ANOS1: variants seen among roughly 807,000 people sequenced by gnomAD.
ANOS1 encodes anosmin-1.
ANOS1 carries 6 observed loss-of-function variants against 59.0 expected under a neutral mutation model. The observed-to-expected ratio is 0.10, with a 90% CI of 0.06 to 0.20. ANOS1 has a LOEUF of 0.20. Among genes scored for constraint, ANOS1 ranks in the 10% least tolerant of loss-of-function variants. The probability of loss-of-function intolerance (pLI) is 1.00; values close to 1 mark genes in which losing one functional copy is unlikely to be tolerated. For synonymous variants in ANOS1, 217 were observed against 223.4 expected (o/e 0.97, Z 0.25); for missense variants, 433 against 542.3 (o/e 0.80, Z 2.00).
Position 8,536,952 on chromosome X carries a change from G to A in ANOS1, c.1450-10C>T. The A allele has an allele frequency of 8.5e-7, 1 of 1,182,719 alleles. No individual in the cohort carries two copies. The highest frequency in any genetic ancestry group is 1.1e-6 in the Non-Finnish European group (1 of 869,704). On this transcript the variant is annotated splice_polypyrimidine_tract_variant and intron_variant, in intron 10 of 13. Transcript: ENST00000262648. ...GAATTATGTAATTTTCCTAGAGCAA[G>A]AGAAAGAGAATTATGCTAGCAATAA...
At chrX:8,686,017 G>A (rs1380553935) in intron 2 of ANOS1, among the ~76,000 whole-genome samples, 2 of 111,606 alleles carry the variant, frequency 1.8e-5, no homozygotes, top group African/African-American at 6.5e-5. Flanking sequence ...AGTTTCTACC[G>A]CACTCCCTGT....
At chrX:8,612,716 C>G (rs188528538) in intron 3 of ANOS1, among the ~76,000 whole-genome samples, 4 of 109,266 alleles carry the variant, frequency 3.7e-5, no homozygotes, top group Non-Finnish European at 7.6e-5. Context: ...GTGAATTAGG[C>G]GATAATATGA....
chrX:8,617,601 T>C (rs1009774692), intron 3 of ANOS1, among the ~76,000 whole-genome samples: 1 of 110,211 alleles, frequency 9.1e-6, no homozygotes, highest in Non-Finnish European at 1.9e-5. Flanking sequence ...GCCAACATGG[T>C]GAAACCCCGT....
At position 8,594,658 on chromosome X, in the gene ANOS1, GTATATATATATATATA is replaced by G. The variant is rs767812487; in HGVS notation, c.541+2360_541+2375del. On this transcript the variant is annotated intron_variant, in intron 4 of 13. Transcript: ENST00000262648. ...AAAAAATCTACATATATATATATGTGTATATATATATATATATATATATATATATATATATATATAC... is the reference window on the plus strand; with the variant it reads ...AAAAAATCTACATATATATATATGTGTATATATATATATATATATATATAC... Among the ~76,000 whole-genome samples, 112 of 33,559 alleles carry G rather than the reference GTATATATATATATATA, an allele frequency of 3.3e-3. 4 individuals carry two copies. The East Asian group carries it at 0.12, about 37-fold the overall frequency. 29.1% of individuals were successfully genotyped at this position (33,559 alleles called of 115,157 possible). A position where few individuals can be genotyped will look rare whatever the true frequency, so the allele number is the denominator to read the frequency against.
intron 12 of ANOS1, among the ~76,000 whole-genome samples, 190 bp from the exon 13 acceptor site, chrX:8,534,650 T>G (rs962574559): frequency 1.8e-5 from 2 of 111,822 alleles, no homozygotes; most frequent in Admixed American, 9.5e-5. Context: ...CCATATGGTT[T>G]CTTAGCACCT....
intron 2 of ANOS1, among the ~76,000 whole-genome samples, chrX:8,667,125 C>G (rs900836481): frequency 1.8e-5 from 2 of 111,579 alleles, no homozygotes; most frequent in African/African-American, 6.5e-5. Flanking sequence ...AAGGCTGTCC[C>G]ATCAGGTGCT....
At chrX:8,640,535 A>G (rs1371987053) in intron 2 of ANOS1, among the ~76,000 whole-genome samples, 1 of 108,598 alleles carries the variant, frequency 9.2e-6, no homozygotes, top group Admixed American at 9.8e-5. Flanking sequence ...CTAAAGAGAA[A>G]AAACAAAGCA....
chrX:8,642,121 C>CGAAT (rs1236021237), intron 2 of ANOS1, among the ~76,000 whole-genome samples: 4 of 110,578 alleles, frequency 3.6e-5, no homozygotes, highest in African/African-American at 9.9e-5. Context: ...TAATTACTGA[C>CGAAT]GAATGAATGA....
At chrX:8,700,138 A>G (rs776680170) in intron 1 of ANOS1, among the ~76,000 whole-genome samples, 2 of 112,240 alleles carry the variant, frequency 1.8e-5, no homozygotes, top group Admixed American at 1.9e-4. Context: ...ATTTACAGAA[A>G]TAAGAGTTTG....
intron 2 of ANOS1, among the ~76,000 whole-genome samples, chrX:8,628,848 C>T (rs1341665343): frequency 1.8e-5 from 2 of 112,103 alleles, no homozygotes; most frequent in African/African-American, 6.5e-5. Context: ...CAGGTAGATA[C>T]TAAGTATGTT....
chrX:8,666,961 A>G (rs1932151625), intron 2 of ANOS1, among the ~76,000 whole-genome samples: 1 of 112,047 alleles, frequency 8.9e-6, no homozygotes, highest in Non-Finnish European at 1.9e-5. Flanking sequence ...CAGCAGTAGG[A>G]ATAGCCAGGG....
At chrX:8,668,430 T>TACAC (rs1555900813) in intron 2 of ANOS1, among the ~76,000 whole-genome samples, 35 of 80,216 alleles carry the variant, frequency 4.4e-4, no homozygotes, top group African/African-American at 7.9e-4. Flanking sequence ...TATATATATA[T>TACAC]ACACACACAT....
chrX:8,585,256 G>A lies in ANOS1; in HGVS notation c.856+11C>T. On this transcript the variant is annotated intron_variant, in intron 6 of 13. Transcript: ENST00000262648. ...TAGTATTCTGTGTCTGGGAAGAAAA[G>A]GAAGACTGACCTTTGGAAGAACGGA... The A allele has an allele frequency of 2.5e-6, 3 of 1,209,648 alleles. No homozygotes were observed. Among genetic ancestry groups the A allele is most frequent in the Non-Finnish European group, 3.4e-6 (3 of 893,941 alleles).
intron 6 of ANOS1, among the ~76,000 whole-genome samples, chrX:8,573,035 T>C (rs979824816): frequency 2.8e-5 from 3 of 109,001 alleles, no homozygotes; most frequent in Non-Finnish European, 5.7e-5. Flanking sequence ...TCATTTGGTG[T>C]TCAGGACACT....
At chrX:8,687,707 A>C (rs2146891117) in intron 2 of ANOS1, among the ~76,000 whole-genome samples, 1 of 111,341 alleles carries the variant, frequency 9.0e-6, no homozygotes, top group Non-Finnish European at 1.9e-5. Context: ...TTGGAAAATA[A>C]ATATGCCAAG....
At chrX:8,610,006 C>CAAAAAAAAAAAAAAAAAA (rs1167209336) in intron 3 of ANOS1, among the ~76,000 whole-genome samples, 8 of 9,163 alleles carry the variant, frequency 8.7e-4, no homozygotes, top group African/African-American at 1.6e-3. Flanking sequence ...GACTCCATCT[C>CAAAAAAAAAAAAAAAAAA]AAAAAAAAAA....
rs1033676296 is a variant in ANOS1 at position 8,610,019 on chromosome X, A to C, written c.319-12763T>G. 3.0e-4 allele frequency among the ~76,000 whole-genome samples: 26 copies of C among 87,281 alleles called. No individual in the cohort carries two copies. In the Admixed American group the frequency reaches 3.1e-3, roughly 11 times the overall value. The allele number at this position is 87,281 out of a possible 115,157, so 75.8% of individuals were successfully genotyped here. On this transcript the variant is annotated intron_variant, in intron 3 of 13. Transcript: ENST00000262648. Reference sequence around the variant, plus strand: ...AAGACTCCATCTCAAAAAAAAAAAAAAAAAAAAAAAAAAAAACAACAACCT... The same window carrying C: ...AAGACTCCATCTCAAAAAAAAAAAACAAAAAAAAAAAAAAAACAACAACCT...
chrX:8,643,724 C>T (rs1328915137), intron 2 of ANOS1, among the ~76,000 whole-genome samples: 1 of 111,585 alleles, frequency 9.0e-6, no homozygotes, highest in African/African-American at 3.3e-5. Context: ...GAATAGGAAA[C>T]ATTTGTCATC....
At chrX:8,548,352 C>T (rs781379145) in intron 9 of ANOS1, among the ~76,000 whole-genome samples, 1 of 112,297 alleles carries the variant, frequency 8.9e-6, no homozygotes, top group South Asian at 3.7e-4. Context: ...GATATTTTTA[C>T]ACAATGTTCT....
Sources: allele counts gnomAD v4.1 joint callset (sites outside exome capture counted in the v4.1 genomes callset), GRCh38; gene constraint gnomAD v4.1.1; transcripts MANE v1.5; gene names NCBI Gene and HGNC (gene_info 2026-07-23, HGNC 2026-07-21).